The following MACROD2 variants were observed in gnomAD, a reference collection of about 807,000 sequenced individuals.
MACROD2 encodes mono-ADP ribosylhydrolase 2, also known as ADP-ribose glycohydrolase MACROD2.
A neutral mutation model predicts 70.4 loss-of-function variants in MACROD2; 36 were observed. The ratio of observed to expected loss-of-function variants is 0.51; its 90% CI spans 0.39 to 0.68. MACROD2 has a LOEUF of 0.68. Among genes scored for constraint, MACROD2 ranks in the 30% least tolerant of loss-of-function variants. MACROD2 has a pLI of 0.00. For synonymous variants in MACROD2, 172 were observed against 178.8 expected (o/e 0.96, Z 0.30); for missense variants, 496 against 538.4 (o/e 0.92, Z 0.78).
chr20:15,374,272 A>G (rs1158856903), intron 6 of MACROD2, among the ~76,000 whole-genome samples: 1 of 151,900 alleles, frequency 6.6e-6, no homozygotes, highest in African/African-American at 2.4e-5. Context: ...TCCCTTATAT[A>G]TAATCACATA....
At chr20:14,281,933 C>A (rs1045096799) in intron 3 of MACROD2, among the ~76,000 whole-genome samples, 366 of 96,356 alleles carry the variant, frequency 3.8e-3, no homozygotes, top group East Asian at 5.9e-3. Flanking sequence ...GACTCCCTCT[C>A]AAAAAAAAAA....
intron 5 of MACROD2, among the ~76,000 whole-genome samples, chr20:14,705,597 T>C (rs1050181092): frequency 1.3e-5 from 2 of 152,190 alleles, no homozygotes; most frequent in African/African-American, 4.8e-5. Context: ...ATCTATTTTA[T>C]GGGAGTAATA....
intron 8 of MACROD2, among the ~76,000 whole-genome samples, chr20:15,576,574 G>A (rs2048451454): frequency 7.4e-6 from 1 of 135,482 alleles, no homozygotes; most frequent in Non-Finnish European, 1.6e-5. Context: ...TCTTCCCAGA[G>A]GTTGAGTCAC....
At chr20:15,211,966 A>T (rs2076767536) in intron 5 of MACROD2, among the ~76,000 whole-genome samples, 1 of 152,166 alleles carries the variant, frequency 6.6e-6, no homozygotes, top group Non-Finnish European at 1.5e-5. Context: ...TGGCATTTCC[A>T]TTCCTATCAC....
intron 4 of MACROD2, among the ~76,000 whole-genome samples, chr20:14,564,009 T>C (rs1051180811): frequency 6.6e-6 from 1 of 151,858 alleles, no homozygotes; most frequent in African/African-American, 2.4e-5. Flanking sequence ...CACAGATCAA[T>C]GGAACAGAAA....
At chr20:14,569,117 C>G (rs1842680392) in intron 4 of MACROD2, among the ~76,000 whole-genome samples, 1 of 152,034 alleles carries the variant, frequency 6.6e-6, no homozygotes, top group South Asian at 2.1e-4. Flanking sequence ...CAATCTTTTT[C>G]TGTCCTTTGT....
chr20:15,092,364 T>C (rs951837429), intron 5 of MACROD2, among the ~76,000 whole-genome samples: 1 of 149,334 alleles, frequency 6.7e-6, no homozygotes, highest in Non-Finnish European at 1.5e-5. Flanking sequence ...AATAAAACTA[T>C]AATAAATTTT....
At chr20:15,621,811 C>T (rs555028819) in intron 8 of MACROD2, among the ~76,000 whole-genome samples, 1 of 152,194 alleles carries the variant, frequency 6.6e-6, no homozygotes, top group African/African-American at 2.4e-5. Flanking sequence ...CACCAAGCCA[C>T]GCAGAATGTA....
At chr20:14,078,013 C>T (rs947186011) in intron 2 of MACROD2, among the ~76,000 whole-genome samples, 3 of 151,816 alleles carry the variant, frequency 2.0e-5, no homozygotes, top group African/African-American at 4.8e-5. Flanking sequence ...AGCGATTCTC[C>T]TGCCTCAGCC....
At chr20:14,426,042 C>T (rs927017304) in intron 3 of MACROD2, among the ~76,000 whole-genome samples, 1 of 152,100 alleles carries the variant, frequency 6.6e-6, no homozygotes, top group Non-Finnish European at 1.5e-5. Context: ...CGAAATTTCT[C>T]TATAATGTGC....
intron 3 of MACROD2, among the ~76,000 whole-genome samples, chr20:14,138,771 A>G (rs1443710280): frequency 1.6e-4 from 2 of 12,864 alleles, no homozygotes; most frequent in African/African-American, 3.9e-4. Context: ...TTCCACACAC[A>G]CACACACACA....
At chr20:14,033,170 T>TC (rs1297772888) in intron 2 of MACROD2, among the ~76,000 whole-genome samples, 1 of 151,654 alleles carries the variant, frequency 6.6e-6, no homozygotes, top group Non-Finnish European at 1.5e-5. Context: ...TTAGTTTTTT[T>TC]CCCCCCAGAT....
intron 3 of MACROD2, among the ~76,000 whole-genome samples, chr20:14,198,954 T>G (rs1389169687): frequency 1.3e-5 from 2 of 152,154 alleles, no homozygotes; most frequent in Admixed American, 6.5e-5. Context: ...TAAATTTCTC[T>G]CTTACCTTCT....
chr20:15,903,266 C>T (rs2065093223), intron 10 of MACROD2, among the ~76,000 whole-genome samples: 1 of 152,012 alleles, frequency 6.6e-6, no homozygotes, highest in African/African-American at 2.4e-5. Context: ...CGCTGGAACC[C>T]GGGAGACGGA....
intron 5 of MACROD2, among the ~76,000 whole-genome samples, chr20:15,094,232 T>C (rs2075812630): frequency 6.6e-6 from 1 of 152,222 alleles, no homozygotes; most frequent in Admixed American, 6.5e-5. Flanking sequence ...TACAAAGCTT[T>C]ATCAGATAAT....
chr20:15,602,520 C>T (rs1288101010), intron 8 of MACROD2, among the ~76,000 whole-genome samples: 1 of 152,184 alleles, frequency 6.6e-6, no homozygotes, highest in Non-Finnish European at 1.5e-5. Flanking sequence ...ACTTCAGTAG[C>T]TACTTCAGTT....
chr20:15,004,661 A>G (rs1246542670), intron 5 of MACROD2, among the ~76,000 whole-genome samples: 3 of 152,174 alleles, frequency 2.0e-5, no homozygotes, highest in African/African-American at 7.2e-5. Context: ...ACTGTGGTGC[A>G]GATGGAAAGA....
At chr20:14,815,764 AT>A (rs1009874090) in intron 5 of MACROD2, among the ~76,000 whole-genome samples, 2 of 151,986 alleles carry the variant, frequency 1.3e-5, no homozygotes, top group African/African-American at 4.8e-5. Context: ...ACATAGTAAC[AT>A]TTTTTGTTTT....
chr20:15,559,120 G>A (rs1352234159), intron 8 of MACROD2, among the ~76,000 whole-genome samples: 5 of 151,170 alleles, frequency 3.3e-5, no homozygotes, highest in Admixed American at 6.6e-5. Flanking sequence ...CCAGCTACAC[G>A]GGAGGCTGAG....
Sources: allele counts gnomAD v4.1 joint callset (sites outside exome capture counted in the v4.1 genomes callset), GRCh38; gene constraint gnomAD v4.1.1; transcripts MANE v1.5; gene names NCBI Gene and HGNC (gene_info 2026-07-23, HGNC 2026-07-21).